The following NUBPL variants were observed in gnomAD, a reference collection of about 807,000 sequenced individuals.
NUBPL encodes iron-sulfur cluster transfer protein NUBPL.
NUBPL carries 31 observed loss-of-function variants against 45.7 expected under a neutral mutation model. That is an observed-to-expected ratio of 0.68 (90% confidence interval 0.51 to 0.92). The LOEUF is 0.92. Among genes scored for constraint, NUBPL ranks in the 40% least tolerant of loss-of-function variants. The pLI is 0.00. For missense variants in NUBPL, 401 were observed against 398.7 expected, an observed-to-expected ratio of 1.01 and a Z score of -0.05; for synonymous variants, 144 against 140.9, an observed-to-expected ratio of 1.02 and a Z score of -0.15.
chr14:31,853,966 A>G (rs2040579617), intron 10 of NUBPL, among the ~76,000 whole-genome samples: 3 of 152,224 alleles, frequency 2.0e-5, no homozygotes, highest in Middle Eastern at 3.2e-3. Flanking sequence ...TTAGCTGATA[A>G]CATTGTGGTT....
At chr14:31,593,135 G>A (rs1438400558) in intron 3 of NUBPL, among the ~76,000 whole-genome samples, 1 of 152,032 alleles carries the variant, frequency 6.6e-6, no homozygotes, top group Non-Finnish European at 1.5e-5. Flanking sequence ...ATTATATTTG[G>A]TATTATAAGT....
At chr14:31,699,000 A>G (rs2037275961) in intron 6 of NUBPL, among the ~76,000 whole-genome samples, 1 of 152,030 alleles carries the variant, frequency 6.6e-6, no homozygotes, top group South Asian at 2.1e-4. Flanking sequence ...GACTACAGGC[A>G]TGCACCACCA....
intron 4 of NUBPL, among the ~76,000 whole-genome samples, chr14:31,633,675 T>G (rs971756437): frequency 9.2e-5 from 14 of 152,302 alleles, no homozygotes; most frequent in Admixed American, 5.2e-4. Context: ...GATTTTGTTG[T>G]TCCATGACAG....
At chr14:31,733,191 G>C (rs576889852) in intron 6 of NUBPL, among the ~76,000 whole-genome samples, 24 of 152,248 alleles carry the variant, frequency 1.6e-4, no homozygotes, top group African/African-American at 5.8e-4. Context: ...AGATAGGTAG[G>C]TAGGTAGATA....
In NUBPL at chr14:31,594,373, A is replaced by G. The variant is rs149872043; in HGVS notation, c.292-4916A>G. ...GGAAGGTCAAGGCCCCTATTGCCCT[A>G]CTGCACTCTAGCATGGGCGACAGAG... On this transcript the variant is annotated intron_variant, in intron 3 of 10. Coordinates refer to ENST00000281081, the MANE Select transcript of NUBPL (RefSeq NM_025152.3). Among the ~76,000 whole-genome samples, 323 of 152,322 alleles carry G rather than the reference A, an allele frequency of 2.1e-3. 1 individual carries two copies. Among genetic ancestry groups the G allele is most frequent in the Middle Eastern group, 0.014 (4 of 294 alleles).
At chr14:31,638,922 G>A (rs1193321122) in intron 4 of NUBPL, among the ~76,000 whole-genome samples, 2 of 152,114 alleles carry the variant, frequency 1.3e-5, no homozygotes, top group African/African-American at 4.8e-5. Context: ...TTGAGCCTTG[G>A]CTTTCAGCTC....
At chr14:31,583,225 G>T (rs983267158) in intron 3 of NUBPL, among the ~76,000 whole-genome samples, 4 of 152,186 alleles carry the variant, frequency 2.6e-5, no homozygotes, top group Non-Finnish European at 5.9e-5. Flanking sequence ...GGGTATTGCT[G>T]AGGCTCATGT....
At chr14:31,663,900 C>T (rs950000843) in intron 4 of NUBPL, among the ~76,000 whole-genome samples, 1 of 152,036 alleles carries the variant, frequency 6.6e-6, no homozygotes, top group Non-Finnish European at 1.5e-5. Flanking sequence ...TTGTTTGTGT[C>T]CTCTCATTTC....
At chr14:31,785,813 A>G (rs1261897035) in intron 6 of NUBPL, among the ~76,000 whole-genome samples, 1 of 152,124 alleles carries the variant, frequency 6.6e-6, no homozygotes, top group Non-Finnish European at 1.5e-5. Flanking sequence ...AGATGTGTTG[A>G]CATATGAATG....
chr14:31,672,199 A>C (rs992626584), intron 4 of NUBPL, among the ~76,000 whole-genome samples: 1 of 151,572 alleles, frequency 6.6e-6, no homozygotes, highest in Non-Finnish European at 1.5e-5. Context: ...ACTTTTGTGG[A>C]TTTTTATACT....
chr14:31,831,673 T>G (rs2040195924), intron 8 of NUBPL, among the ~76,000 whole-genome samples: 1 of 152,166 alleles, frequency 6.6e-6, no homozygotes, highest in Admixed American at 6.5e-5. Context: ...CTTGAAAGAA[T>G]CAGGAATACA....
chr14:31,667,507 G>A (rs1477846569), intron 4 of NUBPL, among the ~76,000 whole-genome samples: 1 of 151,784 alleles, frequency 6.6e-6, no homozygotes, highest in African/African-American at 2.4e-5. Flanking sequence ...TGCTCCTTTA[G>A]CTCAAAGGAG....
chr14:31,660,778 C>T (rs899704379), intron 4 of NUBPL, among the ~76,000 whole-genome samples: 1 of 151,964 alleles, frequency 6.6e-6, no homozygotes, highest in African/African-American at 2.4e-5. Context: ...ATTTTTGGAG[C>T]CAGGGAACAG....
At chr14:31,639,564 G>A (rs924107462) in intron 4 of NUBPL, among the ~76,000 whole-genome samples, 8 of 152,278 alleles carry the variant, frequency 5.3e-5, no homozygotes, top group Middle Eastern at 3.4e-3. Context: ...CAGTCTGCCC[G>A]TTCTTAGATC....
At chr14:31,761,975 T>G (rs2038820463) in intron 6 of NUBPL, among the ~76,000 whole-genome samples, 2 of 152,178 alleles carry the variant, frequency 1.3e-5, no homozygotes, top group Non-Finnish European at 2.9e-5. Context: ...CTTTACATTG[T>G]ACTAAGTTTT....
At chr14:31,744,566 T>C (rs2140005647) in intron 6 of NUBPL, among the ~76,000 whole-genome samples, 1 of 151,292 alleles carries the variant, frequency 6.6e-6, no homozygotes, top group African/African-American at 2.4e-5. Flanking sequence ...GTATACAGGA[T>C]AATAGAATAT....
chr14:31,799,826 A>G (rs189556595), intron 7 of NUBPL, among the ~76,000 whole-genome samples: 150 of 152,350 alleles, frequency 9.8e-4, no homozygotes, highest in Non-Finnish European at 1.7e-3. Flanking sequence ...TTCTTAAAAT[A>G]AGACAACAAA....
At chr14:31,813,847 C>G (rs143497170) in intron 7 of NUBPL, among the ~76,000 whole-genome samples, 11,177 of 152,162 alleles carry the variant, frequency 0.073, 468 homozygotes, top group Non-Finnish European at 0.092. Context: ...CATCCATGTC[C>G]CTACAAAGAA....
chr14:31,801,531 T>G (rs1595649262), intron 7 of NUBPL, among the ~76,000 whole-genome samples: 1 of 152,306 alleles, frequency 6.6e-6, no homozygotes, highest in Non-Finnish European at 1.5e-5. Flanking sequence ...TAGTGAAAAT[T>G]GATACTGTCA....
Sources: gnomAD v4.1 joint callset for allele counts (sites outside exome capture counted in the v4.1 genomes callset) on GRCh38, gnomAD v4.1.1 for gene constraint, MANE v1.5 for transcripts, NCBI Gene and HGNC (gene_info 2026-07-23, HGNC 2026-07-21) for gene names.